SCOC: variants seen among roughly 807,000 people sequenced by gnomAD.
SCOC encodes short coiled-coil protein.
In SCOC, 7 loss-of-function variants were observed where a neutral mutation model predicts 9.9. That is an observed-to-expected ratio of 0.71 (90% CI 0.40 to 1.33). The LOEUF is 1.33. SCOC is among the 40% of genes most tolerant of loss of function. The pLI is 0.01. For synonymous variants in SCOC, 19 were observed against 28.2 expected, an observed-to-expected ratio of 0.67 and a Z score of 1.03; for missense variants, 66 against 89.7, an observed-to-expected ratio of 0.74 and a Z score of 1.07.
chr4:140,259,641 C>A (rs1730585088), intron 1 of SCOC, among the ~76,000 whole-genome samples: 1 of 152,138 alleles, frequency 6.6e-6, no homozygotes, highest in African/African-American at 2.4e-5. Flanking sequence ...CCTGGGAGTT[C>A]CAGGCTGCAA....
upstream of SCOC, among the ~76,000 whole-genome samples, chr4:140,340,319 A>G (rs1384664849): frequency 6.6e-6 from 1 of 152,062 alleles, no homozygotes; most frequent in East Asian, 1.9e-4. Context: ...GGGATGGGGG[A>G]GGAATAGCAT....
intron 1 of SCOC, among the ~76,000 whole-genome samples, chr4:140,277,317 G>A (rs555195588): frequency 7.2e-5 from 11 of 152,226 alleles, no homozygotes; most frequent in African/African-American, 2.6e-4. Flanking sequence ...TATGAGTTGG[G>A]GGGGGCAGGG....
chr4:140,278,447 C>A (rs763251451), intron 1 of SCOC, among the ~76,000 whole-genome samples: 5 of 152,080 alleles, frequency 3.3e-5, no homozygotes, highest in Non-Finnish European at 7.4e-5. Flanking sequence ...CTATGGGTGT[C>A]TGCCACCACG....
At chr4:140,263,247 G>A (rs1239731277) in intron 1 of SCOC, among the ~76,000 whole-genome samples, 1 of 152,194 alleles carries the variant, frequency 6.6e-6, no homozygotes, top group Non-Finnish European at 1.5e-5. Flanking sequence ...ATGTTTACTT[G>A]CTTGGCAATG....
At position 140,297,576 on chromosome 4, in the gene SCOC, T is replaced by C. The variant is rs1426926378; in HGVS notation, c.-19+40166T>C. Among the ~76,000 whole-genome samples the C allele has an allele frequency of 5.3e-5, 8 of 152,158 alleles. 1 individual carries two copies. The highest frequency in any genetic ancestry group is 5.2e-4 in the Admixed American group (8 of 15,276). On this transcript the variant is annotated intron_variant, in intron 1 of 4. Coordinates refer to the SCOC transcript ENST00000394205. Reference sequence around the variant, plus strand: ...CCTCTCCATCCTCTTTCTCCCTCCTTCCCTTGTGTAGGAAAAACATTTCTT... The same window carrying C: ...CCTCTCCATCCTCTTTCTCCCTCCTCCCCTTGTGTAGGAAAAACATTTCTT...
At chr4:140,346,417 T>A (rs554743719) in intron 2 of SCOC, among the ~76,000 whole-genome samples, 2 of 152,260 alleles carry the variant, frequency 1.3e-5, no homozygotes, top group Non-Finnish European at 2.9e-5. Context: ...CCGGCACTGA[T>A]CCCTGTGTGA....
At chr4:140,312,846 C>T (rs1327994908) in intron 1 of SCOC, among the ~76,000 whole-genome samples, 1 of 152,090 alleles carries the variant, frequency 6.6e-6, no homozygotes, top group Non-Finnish European at 1.5e-5. Context: ...GAAGAGAATG[C>T]CTTTTTGCTG....
At chr4:140,345,530 C>T (rs1471037705) in intron 2 of SCOC, among the ~76,000 whole-genome samples, 5 of 152,078 alleles carry the variant, frequency 3.3e-5, no homozygotes, top group African/African-American at 4.8e-5. Context: ...GTTAATAAAA[C>T]GTTCTTGGGC....
At chr4:140,373,482 C>G (rs889755200), upstream of SCOC, 5 of 1,550,600 alleles carry the variant, frequency 3.2e-6, no homozygotes, top group African/African-American at 2.7e-5. Flanking sequence ...TTTGTTATGG[C>G]AAAGGTGGAT....
rs78970548 is a variant in SCOC, at chr4:140,344,944, T to C, written c.70+1236T>C. On this transcript the variant is annotated intron_variant, in intron 2 of 4. Coordinates refer to the SCOC transcript ENST00000338517. ...GGGCTGAGCCTGAAAGTGGGGACTG[T>C]TGGTGGTGCCAGGCCTTTCTACAGC... 6.1e-3 allele frequency among the ~76,000 whole-genome samples: 929 copies of C among 152,244 alleles called. 3 individuals are homozygous for C. Among genetic ancestry groups the C allele is most frequent in the Non-Finnish European group, 9.7e-3 (657 of 68,002 alleles).
chr4:140,262,514 G>T (rs1440003826), intron 1 of SCOC, among the ~76,000 whole-genome samples: 15 of 152,070 alleles, frequency 9.9e-5, no homozygotes, highest in Admixed American at 9.8e-4. Context: ...TTCTCTCTTT[G>T]CTTGTCTTTC....
chr4:140,369,620 A>G (rs1727954117), upstream of SCOC, among the ~76,000 whole-genome samples: 1 of 152,082 alleles, frequency 6.6e-6, no homozygotes, highest in Non-Finnish European at 1.5e-5. Context: ...GAAGTTCTCT[A>G]TTTCATTATT....
chr4:140,320,118 A>G (rs1386423201), intron 1 of SCOC, among the ~76,000 whole-genome samples: 1 of 152,162 alleles, frequency 6.6e-6, no homozygotes, highest in African/African-American at 2.4e-5. Flanking sequence ...CAAGATACGG[A>G]TCATAAAGAC....
At chr4:140,336,205 C>T (rs986875659) in intron 1 of SCOC, among the ~76,000 whole-genome samples, 1 of 152,102 alleles carries the variant, frequency 6.6e-6, no homozygotes, top group Non-Finnish European at 1.5e-5. Context: ...ATTTTTTAAT[C>T]TTATTTTAAA....
chr4:140,271,405 C>A (rs1200545621), intron 1 of SCOC, among the ~76,000 whole-genome samples: 1 of 152,204 alleles, frequency 6.6e-6, no homozygotes, highest in Non-Finnish European at 1.5e-5. Flanking sequence ...TAGGAGGAGA[C>A]AGAAGTTGGA....
intron 1 of SCOC, among the ~76,000 whole-genome samples, chr4:140,310,255 T>C (rs575559680): frequency 1.3e-5 from 2 of 152,314 alleles, no homozygotes; most frequent in South Asian, 4.1e-4. Flanking sequence ...CTGGAAGTGA[T>C]ACAATATTAA....
intron 1 of SCOC, among the ~76,000 whole-genome samples, chr4:140,327,914 G>A (rs1294521883): frequency 2.0e-5 from 3 of 152,034 alleles, no homozygotes; most frequent in Non-Finnish European, 2.9e-5. Context: ...ATTGCTGCTT[G>A]TTGGGCAGCT....
chr4:140,331,259 G>A (rs1276039225), intron 1 of SCOC, among the ~76,000 whole-genome samples: 1 of 152,170 alleles, frequency 6.6e-6, no homozygotes, highest in Admixed American at 6.5e-5. Context: ...TCTTCCTGTA[G>A]AAAAATTCTG....
chr4:140,273,592 C>T (rs932513957), intron 1 of SCOC, among the ~76,000 whole-genome samples: 7 of 151,936 alleles, frequency 4.6e-5, no homozygotes, highest in African/African-American at 1.5e-4. Context: ...ACATGTCTGC[C>T]TCAAGCTTCC....
Sources: gnomAD v4.1 joint callset for allele counts (sites outside exome capture counted in the v4.1 genomes callset) on GRCh38, gnomAD v4.1.1 for gene constraint, MANE v1.5 for transcripts, NCBI Gene and HGNC (gene_info 2026-07-23, HGNC 2026-07-21) for gene names.